Variants in PLGRKT observed in about 807,000 individuals in gnomAD.
PLGRKT encodes plasminogen receptor with a C-terminal lysine.
Under a neutral mutation model 18.5 loss-of-function variants are expected in PLGRKT, and 22 were observed. The ratio of observed to expected loss-of-function variants is 1.19; its 90% CI spans 0.85 to 1.70. The LOEUF (loss-of-function observed/expected upper bound fraction) is 1.70. Among genes scored for constraint, PLGRKT ranks in the 40% most tolerant of loss-of-function variants. The pLI is 0.00. For missense variants in PLGRKT, 235 were observed against 174.4 expected (o/e 1.35, Z -1.96); for synonymous variants, 72 against 52.8 (o/e 1.36, Z -1.58).
At chr9:5,361,237 T>C (rs1271489031) in intron 4 of PLGRKT, 50 bp from the exon 5 acceptor site, 4 of 1,024,898 alleles carry the variant, frequency 3.9e-6, no homozygotes, top group Non-Finnish European at 6.0e-6. Context: ...AACCTGTAAA[T>C]ACATATCTGT....
chr9:5,385,971 T>C (rs553544031), intron 3 of PLGRKT, among the ~76,000 whole-genome samples: 8 of 151,812 alleles, frequency 5.3e-5, no homozygotes, highest in Non-Finnish European at 1.0e-4. Context: ...TATATTTGGA[T>C]TTGGATTCCT....
chr9:5,428,566 G>A (rs933156616), intron 3 of PLGRKT, among the ~76,000 whole-genome samples: 7 of 152,180 alleles, frequency 4.6e-5, no homozygotes, highest in African/African-American at 1.4e-4. Flanking sequence ...ACCCATTCTG[G>A]GACGAGGAGC....
At chr9:5,379,675 G>A (rs543209013) in intron 3 of PLGRKT, among the ~76,000 whole-genome samples, 1 of 152,240 alleles carries the variant, frequency 6.6e-6, no homozygotes, top group African/African-American at 2.4e-5. Flanking sequence ...AATACATTAT[G>A]AAAAATGTTG....
At chr9:5,390,856 A>G (rs1817937458) in intron 3 of PLGRKT, among the ~76,000 whole-genome samples, 1 of 152,004 alleles carries the variant, frequency 6.6e-6, no homozygotes, top group South Asian at 2.1e-4. Context: ...AAATGTCTTC[A>G]AAACACAAAA....
intron 5 of PLGRKT, among the ~76,000 whole-genome samples, chr9:5,359,534 T>A (rs570092307): frequency 9.2e-5 from 14 of 152,350 alleles, no homozygotes; most frequent in Non-Finnish European, 1.3e-4. Context: ...CTAGATGTTT[T>A]CCACGTGAGA....
chr9:5,390,237 A>ATG (rs377656002), intron 3 of PLGRKT, among the ~76,000 whole-genome samples: 21 of 80,868 alleles, frequency 2.6e-4, no homozygotes, highest in East Asian at 1.7e-3. Flanking sequence ...GTGTGTGTGT[A>ATG]TGTGTATATA....
intron 3 of PLGRKT, among the ~76,000 whole-genome samples, chr9:5,380,355 A>C (rs1267707091): frequency 6.8e-6 from 1 of 148,046 alleles, no homozygotes; most frequent in Non-Finnish European, 1.5e-5. Flanking sequence ...CCAAACAGCG[A>C]GACTCTGTCT....
intron 3 of PLGRKT, among the ~76,000 whole-genome samples, chr9:5,404,318 A>G (rs899626969): frequency 2.6e-5 from 4 of 152,234 alleles, no homozygotes; most frequent in African/African-American, 9.6e-5. Context: ...CAGAGATGCA[A>G]CAAAAAAAAG....
chr9:5,411,486 G>C (rs1175682870), intron 3 of PLGRKT, among the ~76,000 whole-genome samples: 2 of 152,030 alleles, frequency 1.3e-5, no homozygotes, highest in Admixed American at 6.6e-5. Context: ...CCATCTTAGA[G>C]ATGAAGAAGC....
intron 3 of PLGRKT, among the ~76,000 whole-genome samples, chr9:5,399,798 T>C (rs1398182137): frequency 6.6e-6 from 1 of 151,674 alleles, no homozygotes; most frequent in Non-Finnish European, 1.5e-5. Context: ...GAGACCAGCC[T>C]GGCCAACATG....
intron 3 of PLGRKT, among the ~76,000 whole-genome samples, chr9:5,431,654 C>G (rs1419800483): frequency 2.0e-5 from 3 of 152,086 alleles, no homozygotes; most frequent in East Asian, 3.9e-4. Flanking sequence ...ATTCTATGTA[C>G]CACATACTCT....
Position 5,395,616 on chromosome 9 carries a change from G to C in PLGRKT, c.82-33728C>G, listed in dbSNP as rs1056655359. On this transcript the variant is annotated intron_variant, in intron 3 of 5. Transcript: ENST00000223864. ...AAACTTAAGAACATGTTTAAACAGT[G>C]CAAATTCCTTTGTATAATGATCTCT... 2.0e-5 allele frequency among the ~76,000 whole-genome samples: 3 copies of C among 151,870 alleles called. 1 individual carries two copies. The highest frequency in any genetic ancestry group is 2.0e-4 in the Admixed American group (3 of 15,250).
chr9:5,384,445 T>C (rs149922687), intron 3 of PLGRKT, among the ~76,000 whole-genome samples: 9 of 152,324 alleles, frequency 5.9e-5, no homozygotes, highest in Middle Eastern at 3.4e-3. Flanking sequence ...CTATATATCA[T>C]AGTTCATGCT....
chr9:5,433,086 G>A (rs1400647719), intron 2 of PLGRKT, among the ~76,000 whole-genome samples: 1 of 141,648 alleles, frequency 7.1e-6, no homozygotes, highest in Non-Finnish European at 1.5e-5. Flanking sequence ...CTGGGAGGAA[G>A]TGAGGAGCGC....
rs184157783 is a variant in PLGRKT at position 5,405,011 on chromosome 9, A to G, written c.81+26886T>C. ...AGACAAGCAGAGAGCCAAATCATGAATGAACTCCCATTCACAACTGCCACA... is the reference window on the plus strand; with the variant it reads ...AGACAAGCAGAGAGCCAAATCATGAGTGAACTCCCATTCACAACTGCCACA... On this transcript the variant is annotated intron_variant, in intron 3 of 5. Coordinates refer to ENST00000223864, the MANE Select transcript of PLGRKT (RefSeq NM_018465.4). 8.9e-4 allele frequency among the ~76,000 whole-genome samples: 136 copies of G among 152,250 alleles called. 1 individual carries two copies. Among genetic ancestry groups the G allele is most frequent in the Admixed American group, 1.8e-3 (27 of 15,292 alleles).
intron 3 of PLGRKT, among the ~76,000 whole-genome samples, chr9:5,390,000 G>A (rs928040653): frequency 6.6e-6 from 1 of 151,730 alleles, no homozygotes; most frequent in African/African-American, 2.4e-5. Flanking sequence ...GGTACATCAT[G>A]TCCAGAAGCA....
chr9:5,369,472 A>G (rs1260265842), intron 3 of PLGRKT, among the ~76,000 whole-genome samples: 2 of 152,148 alleles, frequency 1.3e-5, no homozygotes, highest in African/African-American at 4.8e-5. Context: ...AGAAATAGGA[A>G]CGCGTTTACA....
chr9:5,372,490 G>A (rs1319070569), intron 3 of PLGRKT, among the ~76,000 whole-genome samples: 1 of 152,096 alleles, frequency 6.6e-6, no homozygotes, highest in Non-Finnish European at 1.5e-5. Context: ...AGAATTTCTG[G>A]GGGAGCATGG....
chr9:5,371,091 G>T (rs532261975), intron 3 of PLGRKT, among the ~76,000 whole-genome samples: 1 of 152,046 alleles, frequency 6.6e-6, no homozygotes, highest in African/African-American at 2.4e-5. Context: ...CCATTCTTAC[G>T]CGTACATGTA....
Sources: allele counts gnomAD v4.1 joint callset (sites outside exome capture counted in the v4.1 genomes callset), GRCh38; gene constraint gnomAD v4.1.1; transcripts MANE v1.5; gene names NCBI Gene and HGNC (gene_info 2026-07-23, HGNC 2026-07-21).